RETREG1: variants seen among roughly 807,000 people sequenced by gnomAD.
The protein encoded by RETREG1 is reticulophagy regulator 1, also known as family with sequence similarity 134 member B.
RETREG1 carries 44 observed loss-of-function variants against 54.8 expected under a neutral mutation model. The ratio of observed to expected loss-of-function variants is 0.80; its 90% CI spans 0.63 to 1.03. The LOEUF is 1.03. RETREG1 is among the 50% of genes least tolerant of loss of function. The pLI is 0.00. For synonymous variants in RETREG1, 217 were observed against 238.5 expected, an observed-to-expected ratio of 0.91 and a Z score of 0.83; for missense variants, 554 against 605.1, an observed-to-expected ratio of 0.92 and a Z score of 0.89.
intron 3 of RETREG1, among the ~76,000 whole-genome samples, chr5:16,551,235 C>T (rs911288981): frequency 6.6e-6 from 1 of 152,142 alleles, no homozygotes; most frequent in Non-Finnish European, 1.5e-5. Context: ...ATCTCATCCT[C>T]AGGCCCTTGA....
chr5:16,589,951 A>G (rs959542248), intron 1 of RETREG1, among the ~76,000 whole-genome samples: 2 of 152,276 alleles, frequency 1.3e-5, no homozygotes, highest in Admixed American at 1.3e-4. Flanking sequence ...ATTCTCTCCT[A>G]TGGGTCAAAG....
In RETREG1 at chr5:16,512,016, A is replaced by C. The variant is rs73753077; in HGVS notation, c.459-28544T>G. On this transcript the variant is annotated intron_variant, in intron 3 of 8. Transcript: ENST00000306320. The stretch of plus-strand genomic sequence containing the variant: ...AGGGAAAACAAGGACAGTACAGACA[A>C]CAGATCCCGAGTGTAGCTACACAAT... Among the ~76,000 whole-genome samples the C allele has an allele frequency of 6.9e-3, 1,050 of 152,308 alleles. 17 individuals are homozygous for C. The highest frequency in any genetic ancestry group is 0.024 in the African/African-American group (1,005 of 41,562).
chr5:16,508,864 C>T, intron 3 of RETREG1: 1 of 1,378,642 alleles, frequency 7.3e-7, no homozygotes, highest in African/African-American at 1.5e-5. Context: ...CTGCCCCCTT[C>T]TAAAAATAAA....
intron 3 of RETREG1, among the ~76,000 whole-genome samples, chr5:16,525,982 C>T (rs1027304994): frequency 2.6e-5 from 4 of 152,186 alleles, no homozygotes; most frequent in Non-Finnish European, 5.9e-5. Context: ...TTGGATGAGG[C>T]TCATTCACAC....
chr5:16,598,982 T>C (rs538133545), intron 1 of RETREG1, among the ~76,000 whole-genome samples: 1 of 152,302 alleles, frequency 6.6e-6, no homozygotes, highest in Admixed American at 6.5e-5. Flanking sequence ...AGGATCACTA[T>C]GTTACCCAGG....
At chr5:16,600,883 GA>G (rs906102572) in intron 1 of RETREG1, among the ~76,000 whole-genome samples, 10 of 151,098 alleles carry the variant, frequency 6.6e-5, no homozygotes, top group Non-Finnish European at 1.3e-4. Context: ...CATCTAAAAG[GA>G]AAAAAAATCA....
At chr5:16,574,420 G>A (rs922269487) in intron 1 of RETREG1, among the ~76,000 whole-genome samples, 3 of 152,186 alleles carry the variant, frequency 2.0e-5, no homozygotes, top group African/African-American at 7.2e-5. Context: ...TGACGGGGTA[G>A]GGAGGAAGCA....
rs1455034390 is a variant in RETREG1 at position 16,593,552 on chromosome 5, A to C, written c.321-21450T>G. Among the ~76,000 whole-genome samples, 1 of 152,232 alleles carries C rather than the reference A, an allele frequency of 6.6e-6. No homozygotes were observed. The highest frequency in any genetic ancestry group is 1.5e-5 in the Non-Finnish European group (1 of 68,050). ...ATTCCTTAAAGCACATTATCATAATAATGACAGCTTGCCAAATTGGGGGAA... is the reference window on the plus strand; with the variant it reads ...ATTCCTTAAAGCACATTATCATAATCATGACAGCTTGCCAAATTGGGGGAA... On this transcript the variant is annotated intron_variant, in intron 1 of 8. Coordinates refer to ENST00000306320, the MANE Select transcript of RETREG1 (RefSeq NM_001034850.3). This position sits in a 1 kb window ranked among gnomAD's most constrained non-coding sequence, Gnocchi z 4.9.
intron 3 of RETREG1, among the ~76,000 whole-genome samples, chr5:16,522,763 G>T (rs952119856): frequency 3.3e-5 from 5 of 152,142 alleles, no homozygotes; most frequent in African/African-American, 1.2e-4. Flanking sequence ...CCAACAGTTT[G>T]AGAGGCTAAG....
intron 3 of RETREG1, chr5:16,509,379 A>C (rs1740095198): frequency 6.6e-6 from 1 of 152,210 alleles, no homozygotes; most frequent in South Asian, 2.1e-4. Context: ...TCACGTGTTC[A>C]TCTGGGCAAA....
chr5:16,581,594 GTC>G (rs1742485137), intron 1 of RETREG1, among the ~76,000 whole-genome samples: 1 of 151,424 alleles, frequency 6.6e-6, no homozygotes, highest in Non-Finnish European at 1.5e-5. Context: ...ACTGGCCCTT[GTC>G]TTTATCCGAA....
chr5:16,520,462 G>A (rs190259857), intron 3 of RETREG1, among the ~76,000 whole-genome samples: 106 of 151,914 alleles, frequency 7.0e-4, no homozygotes, highest in African/African-American at 2.4e-3. Flanking sequence ...CCCGAGTAGC[G>A]GGGATTACAG....
At chr5:16,508,501 G>T in intron 3 of RETREG1, 1 of 1,316,356 alleles carries the variant, frequency 7.6e-7, no homozygotes, top group Non-Finnish European at 1.1e-6. Context: ...TTTTAAATTA[G>T]TCATAATATT....
Position 16,571,990 on chromosome 5 carries a change from T to C in RETREG1, c.427+6A>G, listed in dbSNP as rs759602645. 1 of 1,593,022 alleles carries C rather than the reference T, an allele frequency of 6.3e-7. No individual in the cohort carries two copies. Among genetic ancestry groups the C allele is most frequent in the Non-Finnish European group, 8.6e-7 (1 of 1,160,918 alleles). ...TACCATATAAATAAAATCTGAGTAT[T>C]CTTACCTCTTGTTCTAGACAAAACC... On this transcript the variant is annotated splice_donor_region_variant and intron_variant, in intron 2 of 8. Coordinates refer to ENST00000306320, the MANE Select transcript of RETREG1 (RefSeq NM_001034850.3).
chr5:16,484,114 A>G (rs1039585445), intron 3 of RETREG1, among the ~76,000 whole-genome samples: 3 of 152,034 alleles, frequency 2.0e-5, no homozygotes, highest in Non-Finnish European at 2.9e-5. Flanking sequence ...AATATCCTCT[A>G]TTTTTCCAGA....
At chr5:16,516,227 T>C (rs1207248415) in intron 3 of RETREG1, among the ~76,000 whole-genome samples, 4 of 152,206 alleles carry the variant, frequency 2.6e-5, no homozygotes, top group Non-Finnish European at 4.4e-5. Flanking sequence ...CCATATATGA[T>C]TGAAACTATA....
intron 3 of RETREG1, among the ~76,000 whole-genome samples, chr5:16,510,626 C>G (rs1405735444): frequency 1.3e-5 from 2 of 151,802 alleles, no homozygotes; most frequent in East Asian, 3.9e-4. Context: ...CCTGTCTCTA[C>G]TAAAAATACA....
chr5:16,541,764 G>GGAAGGAAGGAAA (rs1741257328), intron 3 of RETREG1, among the ~76,000 whole-genome samples: 1 of 140,660 alleles, frequency 7.1e-6, no homozygotes, highest in Non-Finnish European at 1.5e-5. Flanking sequence ...AAGGAAGGAA[G>GGAAGGAAGGAAA]GAAGGAAGGA....
At chr5:16,493,315 G>A (rs972304731) in intron 3 of RETREG1, among the ~76,000 whole-genome samples, 12 of 152,112 alleles carry the variant, frequency 7.9e-5, no homozygotes, top group African/African-American at 2.9e-4. Context: ...TCATTTTTCA[G>A]CGTTTTTAAT....
Sources: allele counts gnomAD v4.1 joint callset (sites outside exome capture counted in the v4.1 genomes callset), GRCh38; gene constraint gnomAD v4.1.1; non-coding constraint Gnocchi (gnomAD v3.1); transcripts MANE v1.5; gene names NCBI Gene and HGNC (gene_info 2026-07-23, HGNC 2026-07-21).